The following RNF150 variants were observed in gnomAD, a reference collection of about 807,000 sequenced individuals.
RNF150 encodes ring finger protein 150.
Under a neutral mutation model 39.3 loss-of-function variants are expected in RNF150, and 24 were observed. That is an observed-to-expected ratio of 0.61 (90% confidence interval 0.44 to 0.86). The LOEUF (loss-of-function observed/expected upper bound fraction) is 0.86, where lower values mean the gene tolerates loss of function less well. RNF150 is among the 40% of genes least tolerant of loss of function. The pLI is 0.00. For synonymous variants in RNF150, 255 were observed against 227.3 expected, an observed-to-expected ratio of 1.12 and a Z score of -1.10; for missense variants, 502 against 587.8, an observed-to-expected ratio of 0.85 and a Z score of 1.51.
intron 1 of RNF150, among the ~76,000 whole-genome samples, chr4:141,187,830 G>A (rs922355083): frequency 2.0e-5 from 3 of 152,110 alleles, no homozygotes; most frequent in South Asian, 4.1e-4. Context: ...TTTAATTGGG[G>A]CATTTAGCCC....
At chr4:141,038,328 A>C (rs892170633) in intron 1 of RNF150, among the ~76,000 whole-genome samples, 3 of 152,154 alleles carry the variant, frequency 2.0e-5, no homozygotes, top group Non-Finnish European at 4.4e-5. Context: ...TAATCCAAGA[A>C]ATCAAGAAAG....
chr4:141,136,366 G>T (rs1727027366), upstream of RNF150, among the ~76,000 whole-genome samples: 1 of 152,020 alleles, frequency 6.6e-6, no homozygotes, highest in Non-Finnish European at 1.5e-5. Context: ...AAAAAAAAAT[G>T]ATTATCTATG....
At chr4:141,006,247 T>TAC (rs1357988019) in intron 1 of RNF150, among the ~76,000 whole-genome samples, 4 of 148,852 alleles carry the variant, frequency 2.7e-5, no homozygotes, top group Non-Finnish European at 4.4e-5. Flanking sequence ...TGTATATATA[T>TAC]ACATACATAT....
At chr4:140,931,902 G>A (rs1303832224) in intron 4 of RNF150, among the ~76,000 whole-genome samples, 2 of 152,166 alleles carry the variant, frequency 1.3e-5, no homozygotes, top group African/African-American at 4.8e-5. Flanking sequence ...ATTGATTCTT[G>A]TTTTCTGCTG....
intron 6 of RNF150, among the ~76,000 whole-genome samples, chr4:140,891,491 A>G (rs1863307): frequency 0.49 from 74,019 of 151,786 alleles, 19,221 homozygotes; most frequent in African/African-American, 0.67. Context: ...TGATGAGAAA[A>G]TTGACAATAA....
At chr4:141,150,230 G>T (rs1727274362) in intron 1 of RNF150, among the ~76,000 whole-genome samples, 1 of 152,174 alleles carries the variant, frequency 6.6e-6, no homozygotes, top group Non-Finnish European at 1.5e-5. Context: ...ATTGCAAGCA[G>T]CATCTTAGTT....
At chr4:140,898,522 C>A (rs964238152) in intron 6 of RNF150, among the ~76,000 whole-genome samples, 2 of 152,212 alleles carry the variant, frequency 1.3e-5, no homozygotes, top group African/African-American at 4.8e-5. Flanking sequence ...GTACAAATGT[C>A]TGACACATAT....
intron 6 of RNF150, among the ~76,000 whole-genome samples, chr4:140,885,499 C>T (rs1471013704): frequency 3.8e-5 from 5 of 132,832 alleles, no homozygotes; most frequent in East Asian, 2.2e-4. Context: ...TGCAGTGGTG[C>T]GATCTCGGCT....
At chr4:141,002,146 C>T (rs533559406) in intron 1 of RNF150, among the ~76,000 whole-genome samples, 7 of 152,094 alleles carry the variant, frequency 4.6e-5, no homozygotes, top group African/African-American at 1.7e-4. Context: ...CTTAGAGAAA[C>T]CAAATAATTT....
chr4:140,935,859 G>A lies in RNF150; in HGVS notation c.891-9786C>T, dbSNP rs558124805. Among the ~76,000 whole-genome samples, 101 of 152,198 alleles carry A rather than the reference G, an allele frequency of 6.6e-4. 2 individuals carry two copies. The South Asian group carries it at 0.013, about 20-fold the overall frequency. On this transcript the variant is annotated intron_variant, in intron 4 of 6. Transcript: ENST00000515673. Reference sequence around the variant, plus strand: ...GTGAGCTTGATGATTTCTTAAGTGTGTGTATGTTTACGTACATACCACCCA... The same window carrying A: ...GTGAGCTTGATGATTTCTTAAGTGTATGTATGTTTACGTACATACCACCCA...
intron 1 of RNF150, among the ~76,000 whole-genome samples, chr4:141,072,828 A>C (rs1737756447): frequency 6.6e-6 from 1 of 152,120 alleles, no homozygotes; most frequent in Non-Finnish European, 1.5e-5. Context: ...GAATTAGCTA[A>C]ATCACCTCCC....
At chr4:140,963,210 T>C (rs1733106787) in intron 2 of RNF150, among the ~76,000 whole-genome samples, 1 of 151,918 alleles carries the variant, frequency 6.6e-6, no homozygotes, top group African/African-American at 2.4e-5. Flanking sequence ...CTACAGAAAA[T>C]TTAAGCAGAG....
intron 1 of RNF150, among the ~76,000 whole-genome samples, chr4:141,206,842 G>A (rs1440648829): frequency 4.6e-5 from 7 of 152,024 alleles, no homozygotes; most frequent in Non-Finnish European, 1.0e-4. Flanking sequence ...GTTGGAGGCC[G>A]AAAGCCTCAA....
intron 1 of RNF150, among the ~76,000 whole-genome samples, chr4:141,086,148 G>C (rs896946336): frequency 5.3e-5 from 8 of 151,872 alleles, no homozygotes; most frequent in Non-Finnish European, 7.4e-5. Context: ...AACCTACCTT[G>C]CCACCTTGCT....
intron 6 of RNF150, among the ~76,000 whole-genome samples, chr4:140,890,065 A>G (rs1729706454): frequency 6.6e-6 from 1 of 152,148 alleles, no homozygotes; most frequent in Admixed American, 6.5e-5. Context: ...CATATCCCCA[A>G]CACAGCAACC....
intron 6 of RNF150, among the ~76,000 whole-genome samples, chr4:140,880,266 ATTC>A (rs1729322140): frequency 6.6e-6 from 1 of 152,090 alleles, no homozygotes; most frequent in Non-Finnish European, 1.5e-5. Context: ...TGTGATTTTC[ATTC>A]TTTGTTCTGT....
chr4:140,919,751 A>G (rs1731023458), intron 5 of RNF150, among the ~76,000 whole-genome samples: 1 of 135,568 alleles, frequency 7.4e-6, no homozygotes, highest in African/African-American at 2.6e-5. Context: ...CCAAAAGAAC[A>G]AAGCTGGAGA....
intron 1 of RNF150, among the ~76,000 whole-genome samples, chr4:140,977,483 AC>A (rs1418734724): frequency 6.6e-6 from 1 of 152,086 alleles, no homozygotes; most frequent in African/African-American, 2.4e-5. Context: ...GCCATAAATA[AC>A]CTGATGACAT....
intron 1 of RNF150, among the ~76,000 whole-genome samples, chr4:140,982,087 T>G (rs1210169445): frequency 6.6e-6 from 1 of 152,146 alleles, no homozygotes; most frequent in Non-Finnish European, 1.5e-5. Flanking sequence ...TCAGAACCAT[T>G]TTGGCTATTT....
Sources: gnomAD v4.1 joint callset for allele counts (sites outside exome capture counted in the v4.1 genomes callset) on GRCh38, gnomAD v4.1.1 for gene constraint, MANE v1.5 for transcripts, NCBI Gene and HGNC (gene_info 2026-07-23, HGNC 2026-07-21) for gene names.